The following RAB37 variants were observed in gnomAD, a reference collection of about 807,000 sequenced individuals.
RAB37 encodes ras-related protein Rab-37.
RAB37 carries 29 observed loss-of-function variants against 33.1 expected under a neutral mutation model. That is an observed-to-expected ratio of 0.88 (90% CI 0.65 to 1.20). The LOEUF (loss-of-function observed/expected upper bound fraction) is 1.20, where lower values mean the gene tolerates loss of function less well. Among genes scored for constraint, RAB37 ranks in the 50% most tolerant of loss-of-function variants. The pLI, the probability that RAB37 is intolerant of heterozygous loss-of-function variation, is 0.00. For synonymous variants in RAB37, 128 were observed against 119.5 expected (o/e 1.07, Z -0.47); for missense variants, 299 against 301.1 (o/e 0.99, Z 0.05).
At chr17:74,706,292 T>C (rs898274963) in intron 1 of RAB37, among the ~76,000 whole-genome samples, 5 of 148,230 alleles carry the variant, frequency 3.4e-5, no homozygotes, top group African/African-American at 1.2e-4. Flanking sequence ...AATATATATA[T>C]ATATATATCC....
At chr17:74,673,718 T>A (rs996211912) in intron 1 of RAB37, among the ~76,000 whole-genome samples, 1 of 152,134 alleles carries the variant, frequency 6.6e-6, no homozygotes, top group African/African-American at 2.4e-5. Flanking sequence ...TTCCAACATA[T>A]TTAAAGGCAA....
chr17:74,725,236 G>A (rs1161603191), intron 1 of RAB37, among the ~76,000 whole-genome samples: 1 of 147,808 alleles, frequency 6.8e-6, no homozygotes, highest in Non-Finnish European at 1.5e-5. Flanking sequence ...TCCCACCCTT[G>A]GGCACCCCAA....
intron 1 of RAB37, among the ~76,000 whole-genome samples, chr17:74,679,781 C>G (rs1228032906): frequency 2.6e-5 from 4 of 151,950 alleles, no homozygotes; most frequent in Non-Finnish European, 5.9e-5. Flanking sequence ...AGTTTGAGAC[C>G]AGCCTGGCCA....
chr17:74,728,888 A>G (rs1486764550), intron 1 of RAB37, among the ~76,000 whole-genome samples: 1 of 149,268 alleles, frequency 6.7e-6, no homozygotes, highest in Non-Finnish European at 1.5e-5. Context: ...GTATGTGTGT[A>G]CATGTGTTTT....
chr17:74,735,025 G>GAAAGAAAGAA (rs1567812432), upstream of RAB37, among the ~76,000 whole-genome samples: 3 of 75,374 alleles, frequency 4.0e-5, no homozygotes, highest in East Asian at 1.2e-3. Context: ...AAGGAAGAAA[G>GAAAGAAAGAA]AAAGAAAGAA....
At chr17:74,711,882 C>CTTTTTT (rs368059740) in intron 1 of RAB37, among the ~76,000 whole-genome samples, 1 of 147,732 alleles carries the variant, frequency 6.8e-6, no homozygotes, top group Admixed American at 6.8e-5. Context: ...TGTTTTCTTT[C>CTTTTTT]TTTTTTTTTC....
intron 1 of RAB37, among the ~76,000 whole-genome samples, chr17:74,718,314 TAC>T (rs1156423348): frequency 5.8e-5 from 7 of 119,660 alleles, no homozygotes; most frequent in Admixed American, 2.0e-4. Flanking sequence ...TATCATATCA[TAC>T]ATCATATCAT....
In RAB37 at chr17:74,671,625, T is replaced by C. The variant is rs1295303572; in HGVS notation, c.39T>C (p.Ala13=). The C allele has an allele frequency of 6.2e-7, 1 of 1,614,216 alleles. No individual in the cohort carries two copies. The highest frequency in any genetic ancestry group is 1.1e-5 in the South Asian group (1 of 91,084). Reference sequence around the variant, plus strand: ...GACCCGATTCCTACCAGGGAGGAGCTGGCCCTGACTTCAACGACCACGTCC... The same window carrying C: ...GACCCGATTCCTACCAGGGAGGAGCCGGCCCTGACTTCAACGACCACGTCC... The change falls in exon 1 of 8, where the codon GCT becomes GCC. Residue 13 remains alanine, a synonymous_variant. Coordinates refer to the RAB37 transcript ENST00000340415. The surrounding 1 kb of genome is among the most constrained non-coding windows in gnomAD (Gnocchi z 5.0).
chr17:74,726,198 G>A lies in RAB37; in HGVS notation c.73-3058G>A, dbSNP rs531140094. ...TATTGTGAGCCGAGATTGTGACACC[G>A]CATTCCAGCCTGGGCGACAGAGAGA... is the stretch of plus-strand genomic sequence containing the variant. On this transcript the variant is annotated intron_variant, in intron 1 of 7. Transcript: ENST00000340415. 3.9e-4 allele frequency among the ~76,000 whole-genome samples: 58 copies of A among 146,872 alleles called. 1 individual carries two copies. In the South Asian group the frequency reaches 9.0e-3, roughly 23 times the overall value.
In RAB37 at chr17:74,745,417, A is replaced by C; in HGVS notation, c.*6A>C. 1 of 1,610,792 alleles carries C rather than the reference A, an allele frequency of 6.2e-7. No individual in the cohort carries two copies. The highest frequency in any genetic ancestry group is 8.5e-7 in the Non-Finnish European group (1 of 1,177,082). ...GCTGCTGCTCCTTCATGTGAATCCCAGGGGGCAGAGAGGAGGCTCTGGAGG... is the reference window on the plus strand; with the variant it reads ...GCTGCTGCTCCTTCATGTGAATCCCCGGGGGCAGAGAGGAGGCTCTGGAGG... On this transcript the variant is annotated 3_prime_UTR_variant, in exon 9 of 9. Transcript: ENST00000392613. This position sits in a 1 kb window ranked among gnomAD's most constrained non-coding sequence, Gnocchi z 4.5.
chr17:74,704,486 A>G (rs368339468), intron 1 of RAB37: 4 of 1,610,854 alleles, frequency 2.5e-6, no homozygotes, highest in Non-Finnish European at 8.5e-7. Context: ...ACCTGGGTCA[A>G]TGGTCACTTG....
intron 1 of RAB37, among the ~76,000 whole-genome samples, chr17:74,708,016 C>T (rs2033653168): frequency 6.6e-6 from 1 of 151,414 alleles, no homozygotes; most frequent in Non-Finnish European, 1.5e-5. Context: ...GGCGTGGTGG[C>T]ACACACCTGT....
In RAB37 at chr17:74,709,260, T is replaced by C. The variant is rs111947885; in HGVS notation, c.73-19996T>C. 2.5e-3 allele frequency among the ~76,000 whole-genome samples: 386 copies of C among 151,816 alleles called. 1 individual carries two copies. Among genetic ancestry groups the C allele is most frequent in the African/African-American group, 6.0e-3 (250 of 41,408 alleles). On this transcript the variant is annotated intron_variant, in intron 1 of 7. Transcript: ENST00000340415. ...AAAAAGAAAATCAATAAGGGTAATA[T>C]GCCATATTAACAGAGTCAAGGAGAA...
rs763621728 is a variant in RAB37 at position 74,745,657 on chromosome 17, G to A, written c.*246G>A. On this transcript the variant is annotated 3_prime_UTR_variant, in exon 9 of 9. Transcript: ENST00000392613. This position sits in a 1 kb window ranked among gnomAD's most constrained non-coding sequence, Gnocchi z 4.5. ...TACATAATTTAATACCAAAAAAGGC[G>A]CCTGGATCCCCAAAAAACCGAGGCT... The A allele has an allele frequency of 6.0e-5, 24 of 401,228 alleles. No homozygotes were observed. Among genetic ancestry groups the A allele is most frequent in the African/African-American group, 2.5e-4 (12 of 48,016 alleles). 24.9% of individuals were successfully genotyped at this position (401,228 alleles called of 1,614,324 possible). A position where few individuals can be genotyped will look rare whatever the true frequency, so the allele number is the denominator to read the frequency against.
chr17:74,729,610 A>G lies in RAB37; in HGVS notation c.183+244A>G, dbSNP rs1441737120. 6.6e-6 allele frequency among the ~76,000 whole-genome samples: 1 copy of G among 152,028 alleles called. No individual in the cohort carries two copies. Among genetic ancestry groups the G allele is most frequent in the African/African-American group, 2.4e-5 (1 of 41,384 alleles). ...AGCAGGAAGGGAAGGCACCCTCACC[A>G]GAACCCAGGGACAAAGCAGGCTGCT... is the stretch of plus-strand genomic sequence containing the variant. On this transcript the variant is annotated intron_variant, in intron 2 of 7. Coordinates refer to the RAB37 transcript ENST00000340415. This position sits in a 1 kb window ranked among gnomAD's most constrained non-coding sequence, Gnocchi z 4.2.
At chr17:74,686,913 G>A (rs952673648) in intron 1 of RAB37, among the ~76,000 whole-genome samples, 3 of 152,208 alleles carry the variant, frequency 2.0e-5, no homozygotes, top group African/African-American at 7.2e-5. Flanking sequence ...AAGGCACCGG[G>A]CAGTATAGCT....
intron 1 of RAB37, among the ~76,000 whole-genome samples, chr17:74,689,746 G>A (rs2032124757): frequency 6.6e-6 from 1 of 152,146 alleles, no homozygotes; most frequent in South Asian, 2.1e-4. Flanking sequence ...AGGCTAAGCA[G>A]CTTTGAGCTC....
chr17:74,713,720 T>C (rs1373440130), intron 1 of RAB37, among the ~76,000 whole-genome samples: 1 of 151,336 alleles, frequency 6.6e-6, no homozygotes. Flanking sequence ...AGAGGAGAGA[T>C]TCCAGACCAA....
At position 74,713,562 on chromosome 17, in the gene RAB37, C is replaced by T. The variant is rs370950714; in HGVS notation, c.73-15694C>T. ...TGGGTTGGCTGGGGGCAGGGGCACG[C>T]GGCTCCACCAGAGGGGTCCTGGAGA... On this transcript the variant is annotated intron_variant, in intron 1 of 7. Coordinates refer to the RAB37 transcript ENST00000340415. Among the ~76,000 whole-genome samples, 32 of 152,122 alleles carry T rather than the reference C, an allele frequency of 2.1e-4. No homozygotes were observed. In the East Asian group the frequency reaches 5.2e-3, roughly 25 times the overall value.
Sources: allele counts gnomAD v4.1 joint callset (sites outside exome capture counted in the v4.1 genomes callset), GRCh38; gene constraint gnomAD v4.1.1; non-coding constraint Gnocchi (gnomAD v3.1); transcripts MANE v1.5; gene names NCBI Gene and HGNC (gene_info 2026-07-23, HGNC 2026-07-21).